The following SLC7A8 variants were observed in gnomAD, a reference collection of about 807,000 sequenced individuals.
The protein encoded by SLC7A8 is large neutral amino acids transporter small subunit 2.
A neutral mutation model predicts 51.2 loss-of-function variants in SLC7A8; 30 were observed. The observed-to-expected ratio is 0.59, with a 90% CI of 0.44 to 0.80. SLC7A8 has a LOEUF of 0.80. SLC7A8 is among the 30% of genes least tolerant of loss of function. SLC7A8 has a pLI of 0.00. For missense variants in SLC7A8, 612 were observed against 674.4 expected (o/e 0.91, Z 1.03); for synonymous variants, 257 against 275.8 (o/e 0.93, Z 0.67).
chr14:23,139,576 G>A (rs966540305), intron 5 of SLC7A8, 29 bp from the exon 6 acceptor site: 1 of 1,603,980 alleles, frequency 6.2e-7, no homozygotes, highest in South Asian at 1.1e-5. Context: ...TGAGGGGAAG[G>A]GCTGGCACCC....
At chr14:23,172,355 G>GGGCA (rs2048978989) in intron 1 of SLC7A8, among the ~76,000 whole-genome samples, 1 of 152,184 alleles carries the variant, frequency 6.6e-6, no homozygotes, top group African/African-American at 2.4e-5. Flanking sequence ...GCAGGTGGGC[G>GGGCA]GGCAGCAGGT....
At chr14:23,176,909 T>C (rs1594842478) in intron 1 of SLC7A8, among the ~76,000 whole-genome samples, 1 of 124,838 alleles carries the variant, frequency 8.0e-6, no homozygotes, top group African/African-American at 3.3e-5. Flanking sequence ...CCCACTCCAC[T>C]CCAGCCTGGG....
intron 3 of SLC7A8, among the ~76,000 whole-genome samples, chr14:23,146,304 G>A (rs1254297672): frequency 1.3e-5 from 2 of 152,218 alleles, no homozygotes; most frequent in Non-Finnish European, 2.9e-5. Flanking sequence ...AAGGGGAGGA[G>A]AGGGGAGGGC....
Position 23,165,171 on chromosome 14 carries a change from T to G in SLC7A8, c.508+114A>C. ...AGTTCAAGGCTGCAGTGAGCTATGA[T>G]CATGCGGCTGCGCTCCAGCCTGAGT... On this transcript the variant is annotated intron_variant, in intron 3 of 10. Coordinates refer to ENST00000316902, the MANE Select transcript of SLC7A8 (RefSeq NM_012244.4). This position sits in a 1 kb window ranked among gnomAD's most constrained non-coding sequence, Gnocchi z 4.2. 9.0e-7 allele frequency: 1 copy of G among 1,110,850 alleles called. No homozygotes were observed. The highest frequency in any genetic ancestry group is 1.9e-5 in the South Asian group (1 of 52,770). 68.8% of individuals were successfully genotyped at this position (1,110,850 alleles called of 1,614,324 possible).
chr14:23,138,568 AG>A (rs1422455197), intron 6 of SLC7A8, among the ~76,000 whole-genome samples: 1 of 152,206 alleles, frequency 6.6e-6, no homozygotes, highest in Non-Finnish European at 1.5e-5. Flanking sequence ...CCAGAATCAC[AG>A]GGTGAGAATT....
At chr14:23,168,576 A>T (rs528185451) in intron 1 of SLC7A8, among the ~76,000 whole-genome samples, 1 of 152,382 alleles carries the variant, frequency 6.6e-6, no homozygotes, top group East Asian at 1.9e-4. Context: ...TTAGAAAAAC[A>T]ATCAATAGCA....
chr14:23,143,278 A>T, intron 3 of SLC7A8, 74 bp from the exon 4 acceptor site: 1 of 1,587,414 alleles, frequency 6.3e-7, no homozygotes, highest in South Asian at 1.1e-5. Flanking sequence ...ACACAAGCAG[A>T]ACTGCTCCCT....
Position 23,131,568 on chromosome 14 carries a change from GA to G in SLC7A8, c.1017-12del. 6.3e-7 allele frequency: 1 copy of G among 1,590,806 alleles called. No individual in the cohort carries two copies. Among genetic ancestry groups the G allele is most frequent in the Non-Finnish European group, 8.6e-7 (1 of 1,168,980 alleles). Reference sequence around the variant, plus strand: ...CCAGCGAAGAACAGCCTGTCAGGGAGAAAAGCAGGTCAGCCTGGGATAACCC... The same window carrying G: ...CCAGCGAAGAACAGCCTGTCAGGGAGAAAGCAGGTCAGCCTGGGATAACCC... On this transcript the variant is annotated splice_polypyrimidine_tract_variant and intron_variant, in intron 7 of 10. Coordinates refer to ENST00000316902, the MANE Select transcript of SLC7A8 (RefSeq NM_012244.4).
At chr14:23,136,141 C>T (rs1272156217) in intron 7 of SLC7A8, among the ~76,000 whole-genome samples, 5 of 152,180 alleles carry the variant, frequency 3.3e-5, no homozygotes, top group African/African-American at 1.2e-4. Context: ...CTGAAGCGAA[C>T]AGCAGCAGCT....
At chr14:23,178,338 T>C (rs1207239915) in intron 1 of SLC7A8, among the ~76,000 whole-genome samples, 3 of 152,212 alleles carry the variant, frequency 2.0e-5, no homozygotes, top group African/African-American at 7.2e-5. Context: ...ACAGGTTTCC[T>C]TAGCCAAGTA....
intron 10 of SLC7A8, among the ~76,000 whole-genome samples, chr14:23,127,612 G>A (rs778127199): frequency 3.9e-5 from 6 of 152,238 alleles, no homozygotes; most frequent in Admixed American, 2.6e-4. Flanking sequence ...GCCTCGGGCA[G>A]CTCTCACAGA....
chr14:23,126,959 T>C lies in SLC7A8; in HGVS notation c.*218A>G. 5.1e-6 allele frequency: 3 copies of C among 593,544 alleles called. No individual in the cohort carries two copies. Among genetic ancestry groups the C allele is most frequent in the Non-Finnish European group, 8.9e-6 (3 of 338,124 alleles). 36.8% of individuals were successfully genotyped at this position (593,544 alleles called of 1,614,324 possible). Reference sequence around the variant, plus strand: ...GCTGGGAGTGTGGGCAGCACTGGAGTGGGGCCTGGGACATGGACCCTGGGG... The same window carrying C: ...GCTGGGAGTGTGGGCAGCACTGGAGCGGGGCCTGGGACATGGACCCTGGGG... On this transcript the variant is annotated 3_prime_UTR_variant, in exon 11 of 11. Transcript: ENST00000316902.
intron 3 of SLC7A8, among the ~76,000 whole-genome samples, chr14:23,151,942 G>A (rs2048851091): frequency 6.6e-6 from 1 of 151,702 alleles, no homozygotes; most frequent in Non-Finnish European, 1.5e-5. Context: ...CCAGCTATTC[G>A]GGAGGCTGAG....
intron 3 of SLC7A8, among the ~76,000 whole-genome samples, chr14:23,161,610 G>A (rs868788191): frequency 8.7e-6 from 1 of 114,342 alleles, no homozygotes; most frequent in African/African-American, 3.5e-5. Flanking sequence ...GGGTGGGTGG[G>A]AGGGGTGCTG....
In SLC7A8 at chr14:23,130,012, A is replaced by G. The variant is rs1017591272; in HGVS notation, c.1114-213T>C. On this transcript the variant is annotated intron_variant, in intron 8 of 10. Transcript: ENST00000316902. ...TCTTATTACAGGGGTGATGATCAAA[A>G]TATTTAACCACTCGTATGGCACGGG... The G allele has an allele frequency of 5.4e-6, 3 of 556,224 alleles. No homozygotes were observed. The African/African-American group carries it at 5.7e-5, about 11-fold the overall frequency. The allele number at this position is 556,224 out of a possible 1,614,324, so 34.5% of individuals were successfully genotyped here.
rs192530415 is a variant in SLC7A8 at position 23,178,258 on chromosome 14, C to T, written c.151+4506G>A. ...ATCATTAATAAATGAACTTTGCTGT[C>T]CTCCGCACCCTCTTTCGACTTTGGG... is the stretch of plus-strand genomic sequence containing the variant. On this transcript the variant is annotated intron_variant, in intron 1 of 10. Transcript: ENST00000316902. 1.5e-4 allele frequency among the ~76,000 whole-genome samples: 23 copies of T among 152,302 alleles called. No individual in the cohort carries two copies. In the East Asian group the frequency reaches 4.4e-3, roughly 29 times the overall value.
chr14:23,134,381 G>C (rs895176485), intron 7 of SLC7A8, among the ~76,000 whole-genome samples: 1 of 130,390 alleles, frequency 7.7e-6, no homozygotes, highest in Non-Finnish European at 1.6e-5. Flanking sequence ...AGGCTGCAGT[G>C]AGCTGTATTT....
intron 3 of SLC7A8, among the ~76,000 whole-genome samples, chr14:23,158,623 C>T (rs964849522): frequency 5.3e-5 from 8 of 152,220 alleles, no homozygotes; most frequent in South Asian, 4.1e-4. Context: ...GGATTACAGG[C>T]GTAAGCCACC....
intron 3 of SLC7A8, among the ~76,000 whole-genome samples, chr14:23,148,591 G>C (rs979282717): frequency 1.1e-4 from 16 of 152,212 alleles, no homozygotes; most frequent in African/African-American, 3.6e-4. Context: ...TGTTGTCACA[G>C]GAGTCCTTTC....
Sources: allele counts gnomAD v4.1 joint callset (sites outside exome capture counted in the v4.1 genomes callset), GRCh38; gene constraint gnomAD v4.1.1; non-coding constraint Gnocchi (gnomAD v3.1); transcripts MANE v1.5; gene names NCBI Gene and HGNC (gene_info 2026-07-23, HGNC 2026-07-21).